The following KCNJ6 variants were observed in gnomAD, a reference collection of about 807,000 sequenced individuals.
The protein encoded by KCNJ6 is G protein-activated inward rectifier potassium channel 2.
In KCNJ6, 9 loss-of-function variants were observed where a neutral mutation model predicts 34.2. That is an observed-to-expected ratio of 0.26 (90% confidence interval 0.16 to 0.46). KCNJ6 has a LOEUF of 0.46. Ranked by LOEUF, KCNJ6 falls within the 20% of genes least tolerant of loss-of-function variation. The pLI is 1.00. For missense variants in KCNJ6, 236 were observed against 531.3 expected, an observed-to-expected ratio of 0.44 and a Z score of 5.46; for synonymous variants, 196 against 207.1, an observed-to-expected ratio of 0.95 and a Z score of 0.46.
chr21:37,860,469 G>A (rs2055589072), intron 1 of KCNJ6, among the ~76,000 whole-genome samples: 1 of 152,190 alleles, frequency 6.6e-6, no homozygotes, highest in Non-Finnish European at 1.5e-5. Flanking sequence ...ATGGCAGCCA[G>A]AGCCATCACT....
At chr21:37,770,491 A>C (rs1193047844) in intron 2 of KCNJ6, among the ~76,000 whole-genome samples, 1 of 152,210 alleles carries the variant, frequency 6.6e-6, no homozygotes, top group African/African-American at 2.4e-5. Context: ...TTGCTACTAC[A>C]TAATTGATGT....
intron 1 of KCNJ6, among the ~76,000 whole-genome samples, chr21:37,863,713 C>A (rs1040622371): frequency 6.6e-6 from 1 of 152,080 alleles, no homozygotes; most frequent in African/African-American, 2.4e-5. Flanking sequence ...AACATCAACG[C>A]CCCACTTCTA....
chr21:37,833,759 C>A (rs562965880), intron 2 of KCNJ6, among the ~76,000 whole-genome samples: 56 of 152,224 alleles, frequency 3.7e-4, no homozygotes, highest in South Asian at 1.2e-3. Context: ...ACACACCTGC[C>A]CTATTTGTAT....
intron 1 of KCNJ6, among the ~76,000 whole-genome samples, chr21:37,866,162 C>A (rs573017642): frequency 6.6e-6 from 1 of 152,056 alleles, no homozygotes; most frequent in Admixed American, 6.6e-5. Context: ...GAAAAGAAGA[C>A]ATTCTGTCTG....
intron 2 of KCNJ6, among the ~76,000 whole-genome samples, chr21:37,773,517 C>G (rs1421407341): frequency 6.6e-6 from 1 of 152,142 alleles, no homozygotes; most frequent in Non-Finnish European, 1.5e-5. Context: ...CTTCACCTCC[C>G]CCTTTCCTCC....
intron 3 of KCNJ6, among the ~76,000 whole-genome samples, chr21:37,677,479 C>G (rs932180317): frequency 7.2e-5 from 11 of 151,974 alleles, no homozygotes; most frequent in African/African-American, 2.7e-4. Flanking sequence ...TTTTATTTGA[C>G]CTTTCCTTTC....
At chr21:37,814,628 G>T (rs1294095687) in intron 2 of KCNJ6, among the ~76,000 whole-genome samples, 1 of 152,172 alleles carries the variant, frequency 6.6e-6, no homozygotes, top group Non-Finnish European at 1.5e-5. Flanking sequence ...GCCAAGCGTG[G>T]CAACTCACGC....
At chr21:37,685,206 T>C (rs1206744380) in intron 3 of KCNJ6, among the ~76,000 whole-genome samples, 1 of 152,118 alleles carries the variant, frequency 6.6e-6, no homozygotes, top group Non-Finnish European at 1.5e-5. Context: ...TTTTCACTTA[T>C]CCTACTGGCA....
intron 1 of KCNJ6, among the ~76,000 whole-genome samples, chr21:37,845,393 G>C (rs1198860767): frequency 6.6e-6 from 1 of 152,092 alleles, no homozygotes; most frequent in Non-Finnish European, 1.5e-5. Flanking sequence ...AGAGAGTGGC[G>C]GGGAGAGAGA....
chr21:37,911,287 C>T (rs182088806), intron 1 of KCNJ6, among the ~76,000 whole-genome samples: 6 of 146,922 alleles, frequency 4.1e-5, no homozygotes, highest in African/African-American at 1.6e-4. Flanking sequence ...TCTATCTCTC[C>T]AAATACTTTC....
chr21:37,751,243 A>G (rs2054993802), intron 2 of KCNJ6, among the ~76,000 whole-genome samples: 1 of 152,230 alleles, frequency 6.6e-6, no homozygotes, highest in African/African-American at 2.4e-5. Context: ...CTAATTTTCC[A>G]ATCTCTCACT....
At position 37,618,684 on chromosome 21, in the gene KCNJ6, G is replaced by A. The variant is rs893663758; in HGVS notation, c.*6475C>T. The A allele has an allele frequency of 1.3e-5, 2 of 152,086 alleles. No individual in the cohort carries two copies. The highest frequency in any genetic ancestry group is 2.4e-5 in the African/African-American group (1 of 41,398). 9.4% of individuals were successfully genotyped at this position (152,086 alleles called of 1,614,324 possible). On this transcript the variant is annotated 3_prime_UTR_variant, in exon 4 of 4. Transcript: ENST00000609713. ...CTCCGGCCAACCACAGTGCATGTTG[G>A]GATTTGCATCTAGGGGGTATAGTGT...
intron 3 of KCNJ6, among the ~76,000 whole-genome samples, chr21:37,713,816 G>A (rs1451226602): frequency 6.6e-6 from 1 of 152,118 alleles, no homozygotes; most frequent in Non-Finnish European, 1.5e-5. Flanking sequence ...AGTTTGTCAG[G>A]CTTCCTTTGA....
chr21:37,815,161 CA>C (rs1425135942), intron 2 of KCNJ6, among the ~76,000 whole-genome samples: 8 of 151,400 alleles, frequency 5.3e-5, no homozygotes, highest in Non-Finnish European at 8.8e-5. Context: ...TTAATAGGTA[CA>C]AAAAATAATT....
chr21:37,781,439 C>T (rs1350946677), intron 2 of KCNJ6, among the ~76,000 whole-genome samples: 1 of 152,122 alleles, frequency 6.6e-6, no homozygotes, highest in Non-Finnish European at 1.5e-5. Flanking sequence ...GGAAGTGACT[C>T]TTCTTGTCTT....
At chr21:37,722,640 A>C (rs534688163) in intron 2 of KCNJ6, among the ~76,000 whole-genome samples, 47 of 152,294 alleles carry the variant, frequency 3.1e-4, no homozygotes, top group Middle Eastern at 3.4e-3. Flanking sequence ...CCACATACCT[A>C]TAGCCATCTG....
chr21:37,785,211 C>A (rs991064193), intron 2 of KCNJ6, among the ~76,000 whole-genome samples: 1 of 152,148 alleles, frequency 6.6e-6, no homozygotes, highest in Admixed American at 6.5e-5. Flanking sequence ...AGGATGAGAA[C>A]CTGAGGCTTC....
chr21:37,709,576 G>A (rs991874980), intron 3 of KCNJ6, among the ~76,000 whole-genome samples: 2 of 152,058 alleles, frequency 1.3e-5, no homozygotes, highest in African/African-American at 2.4e-5. Flanking sequence ...TTTCTCTGCC[G>A]AATCATCATG....
intron 2 of KCNJ6, among the ~76,000 whole-genome samples, chr21:37,766,512 G>A (rs764264165): frequency 7.2e-5 from 11 of 152,230 alleles, no homozygotes; most frequent in South Asian, 2.1e-4. Flanking sequence ...AATAACCAAC[G>A]GGCCTGGTAA....
Sources: allele counts gnomAD v4.1 joint callset (sites outside exome capture counted in the v4.1 genomes callset), GRCh38; gene constraint gnomAD v4.1.1; transcripts MANE v1.5; gene names NCBI Gene and HGNC (gene_info 2026-07-23, HGNC 2026-07-21).